VPS72: variants seen among roughly 807,000 people sequenced by gnomAD.
VPS72 encodes the protein vacuolar protein sorting 72 homolog.
A neutral mutation model predicts 38.9 loss-of-function variants in VPS72; 27 were observed. That is an observed-to-expected ratio of 0.69 (90% CI 0.51 to 0.96). The LOEUF (loss-of-function observed/expected upper bound fraction) is 0.96. VPS72 is among the 40% of genes least tolerant of loss of function. The pLI is 0.00. For synonymous variants in VPS72, 173 were observed against 186.3 expected (o/e 0.93, Z 0.58); for missense variants, 360 against 479.5 (o/e 0.75, Z 2.33).
At chr1:151,189,125 G>A (rs978495580) in intron 1 of VPS72, among the ~76,000 whole-genome samples, 2 of 152,120 alleles carry the variant, frequency 1.3e-5, no homozygotes, top group Admixed American at 6.6e-5. Context: ...CACTGTGCCC[G>A]GCCAAAGCCA....
intron 4 of VPS72, among the ~76,000 whole-genome samples, chr1:151,179,375 G>A (rs1162027439): frequency 1.3e-5 from 2 of 151,454 alleles, no homozygotes; most frequent in African/African-American, 2.4e-5. Context: ...CAAGGTGTGC[G>A]GATCATGAGG....
Position 151,185,861 on chromosome 1 carries a change from TG to T in VPS72, c.206del (p.Pro69HisfsTer16). ...SDFDIDEGDEPSSDGEAEEPR... is the reference protein window; with the variant it reads ...SDFDIDEGDEXSSDGEAEEPR... Reference sequence around the variant, plus strand: ...GCTCTTCTGCTTCTCCATCACTGGATGGTTCATCCCCTTCATCAATGTCAAA... The same window carrying T: ...GCTCTTCTGCTTCTCCATCACTGGATGTTCATCCCCTTCATCAATGTCAAA... On this transcript the variant is annotated frameshift_variant, in exon 2 of 6. Transcript: ENST00000368892. LOFTEE classifies it high-confidence loss of function. 6.2e-7 allele frequency: 1 copy of T among 1,614,172 alleles called. No individual in the cohort carries two copies. Among genetic ancestry groups the T allele is most frequent in the Non-Finnish European group, 8.5e-7 (1 of 1,180,020 alleles).
In VPS72 at chr1:151,176,874, G is replaced by A. The variant is rs753843573; in HGVS notation, c.865C>T (p.Arg289Cys). 35 of 1,614,038 alleles carry A rather than the reference G, an allele frequency of 2.2e-5. No homozygotes were observed. The highest frequency in any genetic ancestry group is 1.6e-4 in the Middle Eastern group (1 of 6,084). The change falls in exon 6 of 6, where the codon CGT becomes TGT. Residue 289 changes from arginine (R) to cysteine (C), a missense_variant. Transcript: ENST00000368892. ...PQGRPPKVPV[R>C]EVCPVTHRPA... Reference sequence around the variant, plus strand: ...CGATGGGTCACTGGACAGACCTCACGAACAGGGACTTTTGGGGGCCGCCCT... The same window carrying A: ...CGATGGGTCACTGGACAGACCTCACAAACAGGGACTTTTGGGGGCCGCCCT...
At chr1:151,178,611 G>A (rs1454713790) in intron 4 of VPS72, among the ~76,000 whole-genome samples, 1 of 152,020 alleles carries the variant, frequency 6.6e-6, no homozygotes, top group African/African-American at 2.4e-5. Context: ...AGCCTAGGCA[G>A]CAGAGTGAGA....
At chr1:151,178,755 G>C (rs761790886) in intron 4 of VPS72, among the ~76,000 whole-genome samples, 1 of 152,200 alleles carries the variant, frequency 6.6e-6, no homozygotes, top group Non-Finnish European at 1.5e-5. Flanking sequence ...TAGCTGAGCT[G>C]AGTAACTGTT....
chr1:151,177,031 T>C lies in VPS72; in HGVS notation c.708A>G (p.Gly236=), dbSNP rs1251455608. The change falls in exon 6 of 6, where the codon GGA becomes GGG. Residue 236 remains glycine (G), a splice_region_variant and synonymous_variant. Coordinates refer to ENST00000368892, the MANE Select transcript of VPS72 (RefSeq NM_005997.3). ...GPKEENVDIE[G]LDPAPSVSAL... ...CAGACACCGAGGGAGCAGGATCAAG[T>C]CTGAGGACAAAAGACAAGGAAAAAC... 6.5e-7 allele frequency: 1 copy of C among 1,544,156 alleles called. No individual in the cohort carries two copies. The highest frequency in any genetic ancestry group is 2.0e-5 in the Admixed American group (1 of 49,792).
intron 5 of VPS72, among the ~76,000 whole-genome samples, chr1:151,177,245 C>T (rs957061891): frequency 9.2e-5 from 14 of 151,788 alleles, no homozygotes; most frequent in Admixed American, 7.9e-4. Context: ...ATTAGCCGGG[C>T]GTGGTGGCGG....
intron 4 of VPS72, 135 bp downstream of exon 4, chr1:151,184,182 A>T: frequency 8.4e-7 from 1 of 1,188,178 alleles, no homozygotes; most frequent in Non-Finnish European, 1.2e-6. Context: ...CTAATTACCT[A>T]CTCTCCGCCA....
intron 5 of VPS72, 156 bp from the exon 6 acceptor site, chr1:151,177,187 C>A: frequency 1.4e-6 from 1 of 708,850 alleles, no homozygotes; most frequent in South Asian, 2.7e-5. Flanking sequence ...GAGTTCGAGA[C>A]CAGCCTGACT....
intron 1 of VPS72, among the ~76,000 whole-genome samples, chr1:151,186,566 A>G (rs982273875): frequency 8.1e-5 from 12 of 147,288 alleles, no homozygotes; most frequent in Non-Finnish European, 1.6e-4. Flanking sequence ...CTCAAAAAGA[A>G]AAAAAAAAAA....
In VPS72 at chr1:151,181,433, C is replaced by T. The variant is rs187875777; in HGVS notation, c.562+2884G>A. Among the ~76,000 whole-genome samples, 12 of 152,086 alleles carry T rather than the reference C, an allele frequency of 7.9e-5. No individual in the cohort carries two copies. The South Asian group carries it at 1.0e-3, about 13-fold the overall frequency. On this transcript the variant is annotated intron_variant, in intron 4 of 5. Coordinates refer to ENST00000368892, the MANE Select transcript of VPS72 (RefSeq NM_005997.3). ...TAATTTTTTGTATGTTTAGTAGAGACGGGGTTTCACCATGTTGGCCAGGCT... is the reference window on the plus strand; with the variant it reads ...TAATTTTTTGTATGTTTAGTAGAGATGGGGTTTCACCATGTTGGCCAGGCT...
In VPS72 at chr1:151,190,058, C is replaced by G. The variant is rs1209512973; in HGVS notation, c.64G>C (p.Glu22Gln). Reference protein sequence around the residue: ...TAGNRLSGLLEAEEEDEFYQT... With the variant: ...TAGNRLSGLLQAEEEDEFYQT... ...TAGAACTCATCTTCCTCCTCTGCCTCCAAAAGCCCAGAAAGCCGGTTCCCA... is the reference window on the plus strand; with the variant it reads ...TAGAACTCATCTTCCTCCTCTGCCTGCAAAAGCCCAGAAAGCCGGTTCCCA... Residue 22 changes from glutamate to glutamine, a missense_variant, in exon 1 of 6, where the codon GAG becomes CAG. Physicochemically the swap from Glu to Gln is conservative, Grantham distance 29 (BLOSUM62 2). This residue lies in a region of VPS72 where 66 missense variants were observed against 123.1 expected (regional missense o/e 0.54). Coordinates refer to ENST00000368892, the MANE Select transcript of VPS72 (RefSeq NM_005997.3). The G allele has an allele frequency of 6.2e-7, 1 of 1,614,164 alleles. No individual in the cohort carries two copies. Among genetic ancestry groups the G allele is most frequent in the South Asian group, 1.1e-5 (1 of 91,080 alleles).
chr1:151,183,905 T>TTA (rs1553279122), intron 4 of VPS72, among the ~76,000 whole-genome samples: 2 of 150,926 alleles, frequency 1.3e-5, no homozygotes, highest in South Asian at 2.1e-4. Context: ...TTTTTTTTTT[T>TTA]AAGAGATGGG....
chr1:151,183,028 C>T (rs1350684025), intron 4 of VPS72, among the ~76,000 whole-genome samples: 1 of 152,180 alleles, frequency 6.6e-6, no homozygotes, highest in Non-Finnish European at 1.5e-5. Flanking sequence ...GCATGAATTG[C>T]TCACAAACTC....
In VPS72 at chr1:151,180,475, G is replaced by A. The variant is rs923819570; in HGVS notation, c.563-2330C>T. On this transcript the variant is annotated intron_variant, in intron 4 of 5. Coordinates refer to ENST00000368892, the MANE Select transcript of VPS72 (RefSeq NM_005997.3). The stretch of plus-strand genomic sequence containing the variant: ...CTTTTTTGAGACAGAGTCTTGCTCT[G>A]TCGCCAGGTTGGAGTACAGTGGCAC... 2.0e-5 allele frequency among the ~76,000 whole-genome samples: 3 copies of A among 151,566 alleles called. No homozygotes were observed. In the South Asian group the frequency reaches 6.3e-4, roughly 32 times the overall value.
chr1:151,180,213 G>A (rs1338720216), intron 4 of VPS72, among the ~76,000 whole-genome samples: 1 of 151,288 alleles, frequency 6.6e-6, no homozygotes, highest in Non-Finnish European at 1.5e-5. Flanking sequence ...CAGCTACTCG[G>A]GAGGCTGAGG....
intron 4 of VPS72, among the ~76,000 whole-genome samples, chr1:151,180,087 G>C (rs1684207242): frequency 6.6e-6 from 1 of 151,950 alleles, no homozygotes; most frequent in South Asian, 2.1e-4. Context: ...GGGAGGCCTA[G>C]GCGGGTGGAT....
At chr1:151,180,015 G>A (rs1022977847) in intron 4 of VPS72, among the ~76,000 whole-genome samples, 1 of 151,666 alleles carries the variant, frequency 6.6e-6, no homozygotes, top group Non-Finnish European at 1.5e-5. Context: ...CCTAAAGTCT[G>A]ACCATAAAAG....
intron 4 of VPS72, among the ~76,000 whole-genome samples, chr1:151,179,472 A>T (rs749387396): frequency 2.6e-5 from 4 of 151,708 alleles, no homozygotes; most frequent in Non-Finnish European, 5.9e-5. Flanking sequence ...GGTGGTGAGC[A>T]CCTGTAGTCC....
Sources: gnomAD v4.1 joint callset for allele counts (sites outside exome capture counted in the v4.1 genomes callset) on GRCh38, gnomAD v4.1.1 for gene constraint, gnomAD v4.1.1 regional missense constraint, MANE v1.5 for transcripts, NCBI Gene and HGNC (gene_info 2026-07-23, HGNC 2026-07-21) for gene names.